Variants in SGMS1 observed in about 807,000 individuals in gnomAD.
SGMS1 encodes the protein sphingomyelin synthase 1, also known as phosphatidylcholine:ceramide cholinephosphotransferase 1.
Under a neutral mutation model 46.2 loss-of-function variants are expected in SGMS1, and 13 were observed. The ratio of observed to expected loss-of-function variants is 0.28; its 90% CI spans 0.18 to 0.45. SGMS1 has a LOEUF of 0.45. Among genes scored for constraint, SGMS1 ranks in the 20% least tolerant of loss-of-function variants. The pLI, the probability that SGMS1 is intolerant of heterozygous loss-of-function variation, is 1.00. For missense variants in SGMS1, 324 were observed against 519.9 expected (o/e 0.62, Z 3.66); for synonymous variants, 203 against 187.8 (o/e 1.08, Z -0.66).
intron 3 of SGMS1, among the ~76,000 whole-genome samples, chr10:50,509,111 T>C (rs1460691210): frequency 6.6e-6 from 1 of 152,186 alleles, no homozygotes; most frequent in Non-Finnish European, 1.5e-5. Context: ...AAATTTCCTG[T>C]TGGGGAAAGA....
intron 1 of SGMS1, among the ~76,000 whole-genome samples, chr10:50,611,189 G>A (rs1211406813): frequency 1.3e-5 from 2 of 152,122 alleles, no homozygotes; most frequent in Non-Finnish European, 2.9e-5. Context: ...TGGTCAACAC[G>A]CCACCCAGGA....
chr10:50,580,056 A>C (rs1838418975), intron 2 of SGMS1, among the ~76,000 whole-genome samples: 1 of 152,212 alleles, frequency 6.6e-6, no homozygotes. Context: ...TAAAAGACAC[A>C]ATTACTAAAT....
At chr10:50,372,012 C>G (rs1314981592) in intron 6 of SGMS1, among the ~76,000 whole-genome samples, 5 of 152,198 alleles carry the variant, frequency 3.3e-5, no homozygotes, top group Non-Finnish European at 7.4e-5. Context: ...CTCTGGGGAA[C>G]ACATTCAAAC....
chr10:50,566,603 G>T (rs1211406867), intron 2 of SGMS1, among the ~76,000 whole-genome samples: 1 of 152,184 alleles, frequency 6.6e-6, no homozygotes, highest in African/African-American at 2.4e-5. Context: ...ATCACAAATG[G>T]AGATATTTCA....
intron 5 of SGMS1, among the ~76,000 whole-genome samples, chr10:50,449,354 A>C (rs1196612878): frequency 6.6e-6 from 1 of 152,178 alleles, no homozygotes; most frequent in Non-Finnish European, 1.5e-5. Flanking sequence ...TTCCTTTTAG[A>C]GTAACCTGGG....
At chr10:50,541,683 G>C (rs1047902004) in intron 2 of SGMS1, among the ~76,000 whole-genome samples, 2 of 152,130 alleles carry the variant, frequency 1.3e-5, no homozygotes, top group African/African-American at 4.8e-5. Flanking sequence ...AAAAATGCTG[G>C]CCCCTGGCTG....
At chr10:50,458,618 C>T (rs1008268341) in intron 5 of SGMS1, among the ~76,000 whole-genome samples, 1 of 152,066 alleles carries the variant, frequency 6.6e-6, no homozygotes, top group Non-Finnish European at 1.5e-5. Flanking sequence ...CTCAGCCTCC[C>T]AAAGTGCTGG....
intron 7 of SGMS1, among the ~76,000 whole-genome samples, chr10:50,327,754 C>T (rs1163356458): frequency 6.6e-6 from 1 of 152,286 alleles, no homozygotes; most frequent in East Asian, 1.9e-4. Context: ...AACTTTTATG[C>T]CATTTAATGA....
intron 6 of SGMS1, among the ~76,000 whole-genome samples, chr10:50,379,745 G>T (rs973705698): frequency 1.3e-5 from 2 of 152,074 alleles, no homozygotes; most frequent in Non-Finnish European, 2.9e-5. Flanking sequence ...AGCCACCAAG[G>T]CCAGGCAGTC....
At chr10:50,368,026 C>T (rs1488842335) in intron 6 of SGMS1, among the ~76,000 whole-genome samples, 4 of 152,178 alleles carry the variant, frequency 2.6e-5, no homozygotes, top group Non-Finnish European at 4.4e-5. Flanking sequence ...AGATAGCTTC[C>T]AATAGATGTC....
chr10:50,571,501 T>C (rs1838335922), intron 2 of SGMS1, among the ~76,000 whole-genome samples: 1 of 152,106 alleles, frequency 6.6e-6, no homozygotes. Context: ...ATCTGGGAGG[T>C]TGGCACACGG....
chr10:50,481,196 C>T (rs1003594252), intron 3 of SGMS1, among the ~76,000 whole-genome samples: 6 of 152,226 alleles, frequency 3.9e-5, no homozygotes, highest in South Asian at 2.1e-4. Context: ...CAGAGTGCTT[C>T]ATTAAGAGGA....
At chr10:50,525,740 T>C (rs138537632) in intron 2 of SGMS1, among the ~76,000 whole-genome samples, 52 of 152,350 alleles carry the variant, frequency 3.4e-4, no homozygotes, top group African/African-American at 1.2e-3. Context: ...AGCACTACTC[T>C]GCTATGAGCA....
At chr10:50,454,735 G>A (rs1837169683) in intron 5 of SGMS1, among the ~76,000 whole-genome samples, 1 of 152,160 alleles carries the variant, frequency 6.6e-6, no homozygotes, top group Admixed American at 6.5e-5. Context: ...CCACTGAAAT[G>A]TGGCACTTGA....
chr10:50,400,636 A>C (rs971388103), intron 6 of SGMS1, among the ~76,000 whole-genome samples: 1 of 151,834 alleles, frequency 6.6e-6, no homozygotes, highest in Non-Finnish European at 1.5e-5. Context: ...AAATTTTTTT[A>C]CAGACAAGGT....
intron 6 of SGMS1, among the ~76,000 whole-genome samples, chr10:50,428,123 T>C (rs1296613281): frequency 6.6e-6 from 1 of 152,098 alleles, no homozygotes; most frequent in African/African-American, 2.4e-5. Flanking sequence ...CCTCAAATTT[T>C]GGAGGCTAAC....
intron 6 of SGMS1, among the ~76,000 whole-genome samples, chr10:50,360,384 G>A (rs980676606): frequency 7.2e-5 from 11 of 152,100 alleles, no homozygotes; most frequent in African/African-American, 2.7e-4. Context: ...CATCCAGGCT[G>A]CTGCAAAACA....
chr10:50,612,140 A>G (rs1426269658), intron 1 of SGMS1, among the ~76,000 whole-genome samples: 1 of 152,164 alleles, frequency 6.6e-6, no homozygotes, highest in African/African-American at 2.4e-5. Flanking sequence ...CTCCATCTCC[A>G]TCTGTGACTA....
chr10:50,332,327 T>A (rs1244980251), intron 7 of SGMS1, among the ~76,000 whole-genome samples: 2 of 152,112 alleles, frequency 1.3e-5, no homozygotes, highest in Non-Finnish European at 2.9e-5. Context: ...CACTTGCCTG[T>A]CACTGACATT....
Sources: allele counts gnomAD v4.1 joint callset (sites outside exome capture counted in the v4.1 genomes callset), GRCh38; gene constraint gnomAD v4.1.1; transcripts MANE v1.5; gene names NCBI Gene and HGNC (gene_info 2026-07-23, HGNC 2026-07-21).